The following CPLANE1 variants were observed in gnomAD, a reference collection of about 807,000 sequenced individuals.
CPLANE1 encodes ciliogenesis and planar polarity effector complex subunit 1.
In CPLANE1, 263 loss-of-function variants were observed where a neutral mutation model predicts 362.5. The observed-to-expected ratio is 0.73, with a 90% CI of 0.66 to 0.80. The LOEUF is 0.80. Ranked by LOEUF, CPLANE1 falls within the 30% of genes least tolerant of loss-of-function variation. The pLI, the probability that CPLANE1 is intolerant of heterozygous loss-of-function variation, is 0.00. For missense variants in CPLANE1, 3,461 were observed against 3,793.4 expected (o/e 0.91, Z 2.30); for synonymous variants, 1,212 against 1,302.6 (o/e 0.93, Z 1.50).
intron 16 of CPLANE1, chr5:37,211,422 C>A: frequency 3.3e-6 from 5 of 1,511,330 alleles, no homozygotes; most frequent in Non-Finnish European, 4.4e-6. Flanking sequence ...TTCCAGTTCC[C>A]CGGAAAGACG....
At chr5:37,108,826 G>A (rs751601266) in intron 51 of CPLANE1, among the ~76,000 whole-genome samples, 7 of 152,318 alleles carry the variant, frequency 4.6e-5, no homozygotes, top group African/African-American at 9.6e-5. Flanking sequence ...AGAAAGTCTT[G>A]TGAAAACTTC....
intron 21 of CPLANE1, among the ~76,000 whole-genome samples, chr5:37,195,345 A>T (rs1313338690): frequency 6.6e-6 from 1 of 152,198 alleles, no homozygotes; most frequent in East Asian, 1.9e-4. Flanking sequence ...TCATGCCTGC[A>T]ATCCCAACAT....
At chr5:37,136,596 C>A (rs1767780666) in intron 46 of CPLANE1, among the ~76,000 whole-genome samples, 1 of 152,258 alleles carries the variant, frequency 6.6e-6, no homozygotes, top group Non-Finnish European at 1.5e-5. Flanking sequence ...TCCAACCCCA[C>A]ATTTCCCTCC....
At position 37,243,522 on chromosome 5, in the gene CPLANE1, G is replaced by T. The variant is rs1010530918; in HGVS notation, c.571-403C>A. The stretch of plus-strand genomic sequence containing the variant: ...TAATAAAATGCTGGTCCACACATAC[G>T]AAGAATACCAAGCAGATATTTTAAA... On this transcript the variant is annotated intron_variant, in intron 5 of 52. Transcript: ENST00000651892. Among the ~76,000 whole-genome samples, 5 of 151,656 alleles carry T rather than the reference G, an allele frequency of 3.3e-5. No homozygotes were observed. The East Asian group carries it at 9.7e-4, about 29-fold the overall frequency.
the CPLANE1 span, among the ~76,000 whole-genome samples, chr5:37,087,611 C>T: frequency 6.6e-6 from 1 of 152,180 alleles, no homozygotes; most frequent in African/African-American, 2.4e-5. Context: ...CGCCCACCAC[C>T]ACGCCCGGCT....
In CPLANE1 at chr5:37,213,634, A is replaced by C. The variant is rs1363586663; in HGVS notation, c.2845T>G (p.Tyr949Asp). 3.2e-6 allele frequency: 5 copies of C among 1,547,662 alleles called. No individual in the cohort carries two copies. The highest frequency in any genetic ancestry group is 4.4e-6 in the Non-Finnish European group (5 of 1,144,480). ...VQSMARFMAA[Y>D]FTNQQLCILP... Reference sequence around the variant, plus strand: ...ATGCAAAGCTGCTGATTGGTGAAATAGGCAGCCATGAAACGAGCCATGGAC... The same window carrying C: ...ATGCAAAGCTGCTGATTGGTGAAATCGGCAGCCATGAAACGAGCCATGGAC... Residue 949 changes from tyrosine (Y) to aspartate (D), a missense_variant, in exon 16 of 53, where the codon TAT (tyrosine) becomes GAT (aspartate). By Grantham distance (160) the Tyr-to-Asp change is radical. Transcript: ENST00000651892.
chr5:37,171,747 TC>T (rs1429457605), intron 32 of CPLANE1, among the ~76,000 whole-genome samples: 2 of 17,520 alleles, frequency 1.1e-4, no homozygotes, highest in African/African-American at 1.2e-3. Flanking sequence ...TCTAGCTTAC[TC>T]TCTCTCTCTC....
At chr5:37,095,337 T>A in the CPLANE1 span, among the ~76,000 whole-genome samples, 4 of 152,226 alleles carry the variant, frequency 2.6e-5, no homozygotes, top group African/African-American at 7.2e-5. Flanking sequence ...AAAAATCACA[T>A]AATCATCTCA....
In CPLANE1 at chr5:37,175,908, C is replaced by T; in HGVS notation, c.5978+1G>A. 4 of 1,608,186 alleles carry T rather than the reference C, an allele frequency of 2.5e-6. No homozygotes were observed. The highest frequency in any genetic ancestry group is 3.4e-6 in the Non-Finnish European group (4 of 1,175,396). On this transcript the variant is annotated splice_donor_variant, in intron 31 of 52. Transcript: ENST00000651892. LOFTEE classifies it high-confidence loss of function. ...ATGGTATAGTAGGCAAAACTTCTTA[C>T]CTAGAAATTTCTGAACTCGTATCTA...
Position 37,153,845 on chromosome 5 carries a change from A to C in CPLANE1, c.8268T>G (p.Ala2756=), listed in dbSNP as rs780976396. The C allele has an allele frequency of 6.2e-7, 1 of 1,614,146 alleles. No homozygotes were observed. Among genetic ancestry groups the C allele is most frequent in the South Asian group, 1.1e-5 (1 of 91,082 alleles). The part of the protein sequence containing the change: ...SAAHQLEHLS[A]KLQKIDEQLL... ...ACTGCTCGTCAATTTTCTGAAGCTT[A>C]GCACTGAGATGCTCTAGTTGGTGAG... The change falls in exon 42 of 53, where the codon GCT becomes GCG. Residue 2756 remains alanine (A), a synonymous_variant. Transcript: ENST00000651892.
In CPLANE1 at chr5:37,106,737, G is replaced by C. The variant is rs182235396; in HGVS notation, c.*865C>G. ...ATGTTGTAAAACCTGGCTTCACACA[G>C]GTAGATATTTGGAAAAAGAGGGGTA... On this transcript the variant is annotated 3_prime_UTR_variant, in exon 53 of 53. Transcript: ENST00000651892. 7.7e-6 allele frequency: 5 copies of C among 646,014 alleles called. No individual in the cohort carries two copies. The highest frequency in any genetic ancestry group is 9.6e-6 in the Non-Finnish European group (5 of 520,448). 40.0% of individuals were successfully genotyped at this position (646,014 alleles called of 1,614,324 possible).
Position 37,114,953 on chromosome 5 carries a change from C to G in CPLANE1, c.9400+7G>C, listed in dbSNP as rs1209583788. 1 of 1,554,788 alleles carries G rather than the reference C, an allele frequency of 6.4e-7. No homozygotes were observed. The highest frequency in any genetic ancestry group is 1.4e-5 in the African/African-American group (1 of 73,632). ...AGTCTAAAAACTTTATCTTCTTTATCCCTTACCTTTTTGGAAGGTAACTGG... is the reference window on the plus strand; with the variant it reads ...AGTCTAAAAACTTTATCTTCTTTATGCCTTACCTTTTTGGAAGGTAACTGG... On this transcript the variant is annotated splice_region_variant and intron_variant, in intron 51 of 52. Transcript: ENST00000651892.
rs767489407 is a variant in CPLANE1 at position 37,120,269 on chromosome 5, T to C, written c.9257A>G (p.Tyr3086Cys). 1.4e-5 allele frequency: 22 copies of C among 1,602,436 alleles called. No homozygotes were observed. Among genetic ancestry groups the C allele is most frequent in the African/African-American group, 2.7e-5 (2 of 74,398 alleles). Residue 3086 changes from tyrosine (Y) to cysteine (C), a missense_variant, in exon 50 of 53, where the codon TAT becomes TGT. Tyr to Cys is a radical substitution (Grantham distance 194). Around this residue, in one of 2 missense-constraint regions of CPLANE1, gnomAD observed 3,380 missense variants for 3,666.1 expected, o/e 0.92. Coordinates refer to ENST00000651892, the MANE Select transcript of CPLANE1 (RefSeq NM_001384732.1). ...CCCAAAAGACTTCCTCTTATGGATA[T>C]AACTCGGTTTGGACATATATTTGAC... ...GKVKYMSKPS[Y>C]IHKRKSFGQP...
At chr5:37,109,908 C>T (rs1758643667) in intron 51 of CPLANE1, among the ~76,000 whole-genome samples, 2 of 152,218 alleles carry the variant, frequency 1.3e-5, no homozygotes, top group Admixed American at 1.3e-4. Flanking sequence ...CGGCCTGCCT[C>T]AGCCTCACAA....
chr5:37,152,016 T>C (rs1004871611), intron 42 of CPLANE1, among the ~76,000 whole-genome samples: 9 of 152,244 alleles, frequency 5.9e-5, no homozygotes, highest in Non-Finnish European at 1.3e-4. Flanking sequence ...TATTTTTAAA[T>C]GTGTTAAATG....
chr5:37,243,235 TA>T, intron 5 of CPLANE1, 116 bp from the exon 6 acceptor site: 1 of 628,912 alleles, frequency 1.6e-6, no homozygotes, highest in Non-Finnish European at 2.6e-6. Context: ...AGATCTTGCT[TA>T]TACTTTTTAT....
Position 37,173,790 on chromosome 5 carries a change from G to A in CPLANE1, c.6136C>T (p.Gln2046Ter). 6.2e-7 allele frequency: 1 copy of A among 1,614,096 alleles called. No individual in the cohort carries two copies. The highest frequency in any genetic ancestry group is 1.1e-5 in the South Asian group (1 of 91,072). The stretch of plus-strand genomic sequence containing the variant: ...TTAAACATTTCATCTTGCAGCATCT[G>A]CCTAACGGACTCCGAACAATCTGGT... The part of the protein sequence containing the change: ...QLPDCSESVR[Q>*]MLQDEMFKLV... Residue 2046 changes from glutamine to a stop codon, truncating the protein, a stop_gained, in exon 32 of 53, where the codon CAG becomes TAG. Coordinates refer to ENST00000651892, the MANE Select transcript of CPLANE1 (RefSeq NM_001384732.1). LOFTEE classifies it high-confidence loss of function.
chr5:37,156,096 C>T (rs1031462637), intron 41 of CPLANE1, among the ~76,000 whole-genome samples: 1 of 152,220 alleles, frequency 6.6e-6, no homozygotes, highest in Non-Finnish European at 1.5e-5. Flanking sequence ...CTTCCTTGCT[C>T]CTCATGTCTC....
intron 21 of CPLANE1, among the ~76,000 whole-genome samples, chr5:37,192,430 A>T (rs76968946): frequency 0.043 from 6,505 of 152,216 alleles, 484 homozygotes; most frequent in African/African-American, 0.15. Context: ...GTCTAAGTAT[A>T]TCCTATGGTC....
Sources: gnomAD v4.1 joint callset for allele counts (sites outside exome capture counted in the v4.1 genomes callset) on GRCh38, gnomAD v4.1.1 for gene constraint, gnomAD v4.1.1 regional missense constraint, MANE v1.5 for transcripts, NCBI Gene and HGNC (gene_info 2026-07-23, HGNC 2026-07-21) for gene names.